COL28A1: variants seen among roughly 807,000 people sequenced by gnomAD.
COL28A1 encodes collagen type XXVIII alpha 1 chain.
In COL28A1, 161 loss-of-function variants were observed where a neutral mutation model predicts 150.2. The ratio of observed to expected loss-of-function variants is 1.07; its 90% CI spans 0.94 to 1.22. The LOEUF (loss-of-function observed/expected upper bound fraction) is 1.22. Ranked by LOEUF, COL28A1 falls within the 50% of genes most tolerant of loss-of-function variation. The probability of loss-of-function intolerance (pLI) is 0.00; values close to 1 mark genes in which losing one functional copy is unlikely to be tolerated. For missense variants in COL28A1, 1,617 were observed against 1,388.3 expected, an observed-to-expected ratio of 1.16 and a Z score of -2.62; for synonymous variants, 552 against 469.7, an observed-to-expected ratio of 1.18 and a Z score of -2.26.
intron 26 of COL28A1, among the ~76,000 whole-genome samples, chr7:7,419,242 C>T (rs1009108079): frequency 1.3e-5 from 2 of 152,196 alleles, no homozygotes; most frequent in Non-Finnish European, 2.9e-5. Flanking sequence ...GGGAGGCTGT[C>T]CTGGGCATTG....
the COL28A1 span, among the ~76,000 whole-genome samples, chr7:7,540,942 G>T: frequency 2.1e-5 from 3 of 144,166 alleles, no homozygotes; most frequent in Admixed American, 7.0e-5. Flanking sequence ...AGTAATATAG[G>T]TAGATATCAT....
chr7:7,448,449 C>T (rs6971414), intron 18 of COL28A1, among the ~76,000 whole-genome samples: 27,698 of 151,548 alleles, frequency 0.18, 3,273 homozygotes, highest in African/African-American at 0.33. Context: ...ATTCTATAAC[C>T]AGAAAAAATA....
chr7:7,526,949 C>A (rs933404873), intron 3 of COL28A1, among the ~76,000 whole-genome samples: 1 of 152,158 alleles, frequency 6.6e-6, no homozygotes, highest in Non-Finnish European at 1.5e-5. Context: ...TAAGCAATAT[C>A]TTAATCAATT....
intron 17 of COL28A1, 110 bp downstream of exon 17, chr7:7,453,329 CT>C: frequency 1.3e-6 from 1 of 749,562 alleles, no homozygotes. Context: ...AAGTAGAGAT[CT>C]CTGATTTTTA....
intron 8 of COL28A1, among the ~76,000 whole-genome samples, chr7:7,513,868 T>G (rs1044790226): frequency 1.3e-5 from 2 of 152,244 alleles, no homozygotes; most frequent in Non-Finnish European, 2.9e-5. Flanking sequence ...TTTTCCTTTT[T>G]GGTGGGCTCA....
At chr7:7,474,070 AATAT>A (rs58897994) in intron 15 of COL28A1, among the ~76,000 whole-genome samples, 5 of 143,066 alleles carry the variant, frequency 3.5e-5, no homozygotes, top group African/African-American at 1.3e-4. Context: ...ATATATATGG[AATAT>A]ATATATATAT....
intron 25 of COL28A1, among the ~76,000 whole-genome samples, chr7:7,424,574 G>C (rs1784549711): frequency 1.3e-5 from 2 of 152,176 alleles, no homozygotes; most frequent in Non-Finnish European, 2.9e-5. Context: ...GCTGAGGGTT[G>C]TTGGAGCCTG....
chr7:7,380,177 G>A (rs1781791919), intron 30 of COL28A1, among the ~76,000 whole-genome samples: 6 of 152,160 alleles, frequency 3.9e-5, no homozygotes. Flanking sequence ...GAAGAACAGG[G>A]AAACGTTTAT....
chr7:7,408,096 T>C (rs1286158482), intron 27 of COL28A1, among the ~76,000 whole-genome samples: 1 of 152,158 alleles, frequency 6.6e-6, no homozygotes, highest in East Asian at 1.9e-4. Context: ...TTCATTTTAA[T>C]ACTGTTTGTT....
chr7:7,352,243 G>GT (rs1780245765), downstream of COL28A1, among the ~76,000 whole-genome samples: 1 of 152,194 alleles, frequency 6.6e-6, no homozygotes, highest in South Asian at 2.1e-4. Flanking sequence ...CTTCTTAAAT[G>GT]TAAGGAACTA....
chr7:7,472,044 G>C (rs1443984301), intron 15 of COL28A1, among the ~76,000 whole-genome samples: 4 of 152,170 alleles, frequency 2.6e-5, no homozygotes, highest in South Asian at 2.1e-4. Context: ...AACCATCTAT[G>C]ACAAACCCAT....
At chr7:7,410,703 T>C (rs1783740226) in intron 27 of COL28A1, among the ~76,000 whole-genome samples, 2 of 152,062 alleles carry the variant, frequency 1.3e-5, no homozygotes, top group African/African-American at 4.8e-5. Flanking sequence ...AACCTTTAAG[T>C]TCAAATGCCA....
intron 8 of COL28A1, among the ~76,000 whole-genome samples, chr7:7,515,532 C>T (rs1176965111): frequency 1.3e-5 from 2 of 152,152 alleles, no homozygotes; most frequent in Admixed American, 6.5e-5. Flanking sequence ...AGCCTGCATA[C>T]CTGTGCTGCA....
intron 27 of COL28A1, among the ~76,000 whole-genome samples, chr7:7,405,894 G>A (rs945690536): frequency 3.3e-5 from 5 of 152,232 alleles, no homozygotes; most frequent in Non-Finnish European, 7.4e-5. Flanking sequence ...GTAGGACCTA[G>A]ATCAGATCAA....
chr7:7,471,268 G>A (rs938742350), intron 15 of COL28A1, among the ~76,000 whole-genome samples: 14 of 151,854 alleles, frequency 9.2e-5, no homozygotes, highest in African/African-American at 2.7e-4. Context: ...AGGACTAGAC[G>A]GATTCACAAC....
intron 27 of COL28A1, among the ~76,000 whole-genome samples, chr7:7,416,052 C>T (rs1489444613): frequency 1.3e-5 from 2 of 152,200 alleles, no homozygotes; most frequent in African/African-American, 2.4e-5. Context: ...ATCTGCCTGC[C>T]TTGGCCTCCC....
In COL28A1 at chr7:7,515,842, T is replaced by C. The variant is rs753036604; in HGVS notation, c.856-2A>G. The C allele has an allele frequency of 3.1e-5, 31 of 1,010,016 alleles. No homozygotes were observed. Among genetic ancestry groups the C allele is most frequent in the Non-Finnish European group, 3.3e-5 (21 of 631,786 alleles). The allele number at this position is 1,010,016 out of a possible 1,614,324, so 62.6% of individuals were successfully genotyped here. On this transcript the variant is annotated splice_acceptor_variant, in intron 7 of 34. Coordinates refer to ENST00000399429, the MANE Select transcript of COL28A1 (RefSeq NM_001037763.3). LOFTEE classifies it high-confidence loss of function. ...GTCACCCTTGTACCCAGGAATTCCCTAATTTAAAAAGAAAATAAAAAGTAA... is the reference window on the plus strand; with the variant it reads ...GTCACCCTTGTACCCAGGAATTCCCCAATTTAAAAAGAAAATAAAAAGTAA...
At chr7:7,460,308 T>C (rs558095260) in intron 15 of COL28A1, among the ~76,000 whole-genome samples, 7 of 152,210 alleles carry the variant, frequency 4.6e-5, no homozygotes, top group Non-Finnish European at 8.8e-5. Context: ...TTTAACCTGA[T>C]TTTAAGATAA....
intron 25 of COL28A1, among the ~76,000 whole-genome samples, chr7:7,422,289 C>T (rs888137005): frequency 6.6e-6 from 1 of 152,124 alleles, no homozygotes; most frequent in Non-Finnish European, 1.5e-5. Flanking sequence ...TCCTCTCATT[C>T]ATTTCCGTTC....
Sources: allele counts gnomAD v4.1 joint callset (sites outside exome capture counted in the v4.1 genomes callset), GRCh38; gene constraint gnomAD v4.1.1; transcripts MANE v1.5; gene names NCBI Gene and HGNC (gene_info 2026-07-23, HGNC 2026-07-21).